Variants in PIGL observed in about 807,000 individuals in gnomAD.
The protein encoded by PIGL is N-acetylglucosaminyl-phosphatidylinositol de-N-acetylase.
In PIGL, 22 loss-of-function variants were observed where a neutral mutation model predicts 31.1. That is an observed-to-expected ratio of 0.71 (90% confidence interval 0.51 to 1.01). The LOEUF (loss-of-function observed/expected upper bound fraction) is 1.01. Among genes scored for constraint, PIGL ranks in the 50% least tolerant of loss-of-function variants. The probability of loss-of-function intolerance (pLI) is 0.00; values close to 1 mark genes in which losing one functional copy is unlikely to be tolerated. For missense variants in PIGL, 302 were observed against 315.9 expected (o/e 0.96, Z 0.33); for synonymous variants, 131 against 117.4 (o/e 1.12, Z -0.75).
intron 1 of PIGL, among the ~76,000 whole-genome samples, chr17:16,229,105 TA>T (rs1327163716): frequency 2.0e-5 from 3 of 151,864 alleles, no homozygotes; most frequent in African/African-American, 7.3e-5. Context: ...ATTTCGTCTT[TA>T]CAAAAAATAA....
chr17:16,270,812 G>A (rs1051592469), intron 2 of PIGL, among the ~76,000 whole-genome samples: 4 of 151,794 alleles, frequency 2.6e-5, no homozygotes, highest in Admixed American at 2.0e-4. Context: ...AGAATCACTT[G>A]AACCCGGGAG....
chr17:16,315,719 T>C (rs917529229), intron 4 of PIGL, among the ~76,000 whole-genome samples: 4 of 126,742 alleles, frequency 3.2e-5, no homozygotes, highest in African/African-American at 8.8e-5. Flanking sequence ...TTTTTTTTTT[T>C]TTTTTTTTTT....
rs185268229 is a variant in PIGL at position 16,323,533 on chromosome 17, C to T, written c.661-2267C>T. Reference sequence around the variant, plus strand: ...ACGGGTGTGGGCCACTGTGCCCTGCCGTGTATGGGGCCTTTTTATTGTTAA... The same window carrying T: ...ACGGGTGTGGGCCACTGTGCCCTGCTGTGTATGGGGCCTTTTTATTGTTAA... On this transcript the variant is annotated intron_variant, in intron 6 of 6. Coordinates refer to ENST00000225609, the MANE Select transcript of PIGL (RefSeq NM_004278.4). 1.4e-4 allele frequency among the ~76,000 whole-genome samples: 21 copies of T among 151,588 alleles called. No homozygotes were observed. The South Asian group carries it at 4.2e-3, about 30-fold the overall frequency.
rs555550280 is a variant in PIGL at position 16,281,226 on chromosome 17, C to A, written c.336-18662C>A. 3.3e-5 allele frequency among the ~76,000 whole-genome samples: 5 copies of A among 152,226 alleles called. No homozygotes were observed. In the South Asian group the frequency reaches 1.0e-3, roughly 32 times the overall value. On this transcript the variant is annotated intron_variant, in intron 2 of 6. Coordinates refer to ENST00000225609, the MANE Select transcript of PIGL (RefSeq NM_004278.4). Reference sequence around the variant, plus strand: ...CCACAGACTCTCAGGGATTTGTGGACCTCAATTGGAAAACATTGCTGTAGA... The same window carrying A: ...CCACAGACTCTCAGGGATTTGTGGAACTCAATTGGAAAACATTGCTGTAGA...
At chr17:16,236,349 T>G (rs2092699718) in intron 2 of PIGL, among the ~76,000 whole-genome samples, 1 of 152,076 alleles carries the variant, frequency 6.6e-6, no homozygotes, top group Non-Finnish European at 1.5e-5. Flanking sequence ...GGCCAGAGAG[T>G]CTCTCCATGT....
chr17:16,301,231 T>G (rs2142837752), intron 3 of PIGL, among the ~76,000 whole-genome samples: 1 of 151,724 alleles, frequency 6.6e-6, no homozygotes, highest in East Asian at 1.9e-4. Context: ...TAGCTAGAAC[T>G]ATAGGCACAT....
At chr17:16,287,119 G>A (rs2092941489) in intron 2 of PIGL, among the ~76,000 whole-genome samples, 1 of 152,208 alleles carries the variant, frequency 6.6e-6, no homozygotes, top group African/African-American at 2.4e-5. Flanking sequence ...CCCTCCAGAT[G>A]CCTTTCTCCA....
At chr17:16,237,144 G>A (rs1282551951) in intron 2 of PIGL, among the ~76,000 whole-genome samples, 2 of 122,140 alleles carry the variant, frequency 1.6e-5, no homozygotes, top group Admixed American at 1.1e-4. Context: ...GTCTTGCTGT[G>A]TCGCCCAGGC....
At chr17:16,274,950 GGAA>G (rs1288521337) in intron 2 of PIGL, among the ~76,000 whole-genome samples, 1 of 148,938 alleles carries the variant, frequency 6.7e-6, no homozygotes, top group Non-Finnish European at 1.5e-5. Flanking sequence ...GAGAATGGCT[GGAA>G]CCCGGGAGGC....
rs1335426254 is a variant in PIGL, at chr17:16,254,613, T to C, written c.335+20543T>C. Among the ~76,000 whole-genome samples the C allele has an allele frequency of 2.0e-5, 3 of 146,350 alleles. No individual in the cohort carries two copies. The South Asian group carries it at 6.4e-4, about 31-fold the overall frequency. On this transcript the variant is annotated intron_variant, in intron 2 of 6. Coordinates refer to ENST00000225609, the MANE Select transcript of PIGL (RefSeq NM_004278.4). ...TGTTTGGTTGGTTGTTTTTTTGTTT[T>C]GTTTTTTTTGAGATAGAGTCTTGCT... is the stretch of plus-strand genomic sequence containing the variant.
At chr17:16,225,876 T>C (rs2092649966) in intron 1 of PIGL, among the ~76,000 whole-genome samples, 1 of 151,948 alleles carries the variant, frequency 6.6e-6, no homozygotes, top group African/African-American at 2.4e-5. Flanking sequence ...ACCTTGTAGC[T>C]TAAAACCATA....
intron 2 of PIGL, among the ~76,000 whole-genome samples, chr17:16,248,199 T>C (rs1396734820): frequency 6.6e-6 from 1 of 152,152 alleles, no homozygotes. Flanking sequence ...AGCTTTCTCA[T>C]TTTTTTACAA....
chr17:16,220,527 C>T (rs1489500441), intron 1 of PIGL, among the ~76,000 whole-genome samples: 2 of 116,058 alleles, frequency 1.7e-5, no homozygotes, highest in Non-Finnish European at 3.3e-5. Context: ...CTCACCCTGT[C>T]TCTCAGGCTA....
intron 3 of PIGL, among the ~76,000 whole-genome samples, chr17:16,307,554 T>G (rs766297709): frequency 6.6e-6 from 1 of 152,230 alleles, no homozygotes; most frequent in African/African-American, 2.4e-5. Flanking sequence ...ATGTATCCTC[T>G]GGGCATTGCA....
chr17:16,288,062 G>A (rs1315606128), intron 2 of PIGL, among the ~76,000 whole-genome samples: 1 of 152,176 alleles, frequency 6.6e-6, no homozygotes, highest in African/African-American at 2.4e-5. Context: ...CCCTTTCTCT[G>A]TGTCTTTCTC....
At chr17:16,230,780 G>A (rs1407250245) in intron 1 of PIGL, among the ~76,000 whole-genome samples, 3 of 151,652 alleles carry the variant, frequency 2.0e-5, no homozygotes, top group Admixed American at 6.6e-5. Context: ...CTGAGCCACC[G>A]TGGCCAGCCT....
At chr17:16,240,590 T>G (rs1254081911) in intron 2 of PIGL, among the ~76,000 whole-genome samples, 1 of 151,514 alleles carries the variant, frequency 6.6e-6, no homozygotes, top group East Asian at 1.9e-4. Flanking sequence ...GCAGCCTAAC[T>G]CCCGGGTGCA....
intron 2 of PIGL, among the ~76,000 whole-genome samples, chr17:16,263,833 CTTTTTTTTTT>C (rs913026747): frequency 2.6e-5 from 2 of 76,980 alleles, no homozygotes; most frequent in South Asian, 4.0e-4. Context: ...TAAATGTTGA[CTTTTTTTTTT>C]TTTTTTTTTT....
chr17:16,321,291 A>AGTG, intron 6 of PIGL, among the ~76,000 whole-genome samples: 1 of 128,818 alleles, frequency 7.8e-6, no homozygotes, highest in East Asian at 2.4e-4. Context: ...CCCAGGCTGG[A>AGTG]GTGCAACGGT....
Sources: allele counts gnomAD v4.1 joint callset (sites outside exome capture counted in the v4.1 genomes callset), GRCh38; gene constraint gnomAD v4.1.1; transcripts MANE v1.5; gene names NCBI Gene and HGNC (gene_info 2026-07-23, HGNC 2026-07-21).